The following CKS1B variants were observed in gnomAD, a reference collection of about 807,000 sequenced individuals.
The protein encoded by CKS1B is CDC28 protein kinase regulatory subunit 1B.
CKS1B carries 5 observed loss-of-function variants against 12.2 expected under a neutral mutation model. The ratio of observed to expected loss-of-function variants is 0.41; its 90% CI spans 0.21 to 0.86. The LOEUF is 0.86. Among genes scored for constraint, CKS1B ranks in the 40% least tolerant of loss-of-function variants. CKS1B has a pLI of 0.32. For synonymous variants in CKS1B, 24 were observed against 34.4 expected (o/e 0.70, Z 1.06); for missense variants, 53 against 99.9 (o/e 0.53, Z 2.00).
chr1:154,974,845 T>C, intron 1 of CKS1B, 41 bp downstream of exon 1: 6 of 1,614,002 alleles, frequency 3.7e-6, no homozygotes, highest in Non-Finnish European at 5.1e-6. Flanking sequence ...GTCGTGAGCT[T>C]TGGCCGCTGA....
At position 154,974,683 on chromosome 1, in the gene CKS1B, G is replaced by C; in HGVS notation, c.-63G>C. On this transcript the variant is annotated 5_prime_UTR_variant, in exon 1 of 3. Coordinates refer to ENST00000308987, the MANE Select transcript of CKS1B (RefSeq NM_001826.3). Reference sequence around the variant, plus strand: ...GCGAGGCCAAAGTGGGTGGGAGCGCGTGCTGTTGGGAGTTGCTTGGAGGTT... The same window carrying C: ...GCGAGGCCAAAGTGGGTGGGAGCGCCTGCTGTTGGGAGTTGCTTGGAGGTT... The C allele has an allele frequency of 1.3e-6, 2 of 1,544,634 alleles. No individual in the cohort carries two copies. The highest frequency in any genetic ancestry group is 2.4e-5 in the South Asian group (2 of 84,338).
chr1:154,978,441 G>A, intron 2 of CKS1B: 1 of 550,118 alleles, frequency 1.8e-6, no homozygotes. Context: ...AATAAGCAAA[G>A]GAAAGTATAT....
chr1:154,975,519 A>G (rs1394721350), intron 1 of CKS1B: 1 of 159,132 alleles, frequency 6.3e-6, no homozygotes, highest in Admixed American at 6.2e-5. Flanking sequence ...GACACACGCT[A>G]TGCAAGGAGC....
chr1:154,975,357 G>A (rs1398200250), intron 1 of CKS1B, among the ~76,000 whole-genome samples: 1 of 152,130 alleles, frequency 6.6e-6, no homozygotes, highest in Admixed American at 6.5e-5. Flanking sequence ...ACTTAATATG[G>A]GTCTAATAGA....
chr1:154,975,178 C>T (rs1006104313), intron 1 of CKS1B: 6 of 585,238 alleles, frequency 1.0e-5, no homozygotes, highest in South Asian at 2.1e-5. Flanking sequence ...GTAGCAAAAG[C>T]GGAGCTGGAA....
chr1:154,974,997 C>T (rs1462209706), intron 1 of CKS1B, 193 bp downstream of exon 1: 11 of 1,540,312 alleles, frequency 7.1e-6, no homozygotes, highest in Non-Finnish European at 8.1e-6. Context: ...AAAGTGGTTG[C>T]GAATTTGGAG....
rs374349593 is a variant in CKS1B, at chr1:154,974,718, G to A, written c.-28G>A. Reference sequence around the variant, plus strand: ...GAGTTGCTTGGAGGTTGGCGGCGCGGGGCTGAAGGCTAGCAAACCGAGCGA... The same window carrying A: ...GAGTTGCTTGGAGGTTGGCGGCGCGAGGCTGAAGGCTAGCAAACCGAGCGA... On this transcript the variant is annotated 5_prime_UTR_variant, in exon 1 of 3. Transcript: ENST00000308987. 7.5e-5 allele frequency: 117 copies of A among 1,569,918 alleles called. 1 individual carries two copies. The African/African-American group carries it at 1.3e-3, about 18-fold the overall frequency.
intron 1 of CKS1B, 154 bp downstream of exon 1, chr1:154,974,958 T>C (rs1439859030): frequency 4.3e-6 from 7 of 1,610,246 alleles, no homozygotes; most frequent in Non-Finnish European, 5.9e-6. Flanking sequence ...GTAAGGCGCA[T>C]GCGCGGAGGT....
rs1329096960 is a variant in CKS1B, at chr1:154,979,001, A to T, written c.*224A>T. 1 of 545,526 alleles carries T rather than the reference A, an allele frequency of 1.8e-6. No individual in the cohort carries two copies. Among genetic ancestry groups the T allele is most frequent in the Non-Finnish European group, 3.3e-6 (1 of 302,254 alleles). 33.8% of individuals were successfully genotyped at this position (545,526 alleles called of 1,614,324 possible). On this transcript the variant is annotated 3_prime_UTR_variant, in exon 3 of 3. Coordinates refer to ENST00000308987, the MANE Select transcript of CKS1B (RefSeq NM_001826.3). ...CTCTGTGGACCCACAGCCTAAGCTG[A>T]GTGTGACCCCAGAAGCCACGATGTG...
intron 1 of CKS1B, chr1:154,975,017 A>G: frequency 7.7e-7 from 1 of 1,306,922 alleles, no homozygotes; most frequent in Admixed American, 1.7e-5. Flanking sequence ...GTCGCCTCTC[A>G]GTAGAGAGGA....
At chr1:154,977,098 A>G (rs1467451407) in intron 1 of CKS1B, among the ~76,000 whole-genome samples, 1 of 152,112 alleles carries the variant, frequency 6.6e-6, no homozygotes, top group African/African-American at 2.4e-5. Flanking sequence ...CACAGGCACA[A>G]CCATTGTGCA....
At chr1:154,978,615 A>T in intron 2 of CKS1B, 110 bp from the exon 3 acceptor site, 1 of 852,620 alleles carries the variant, frequency 1.2e-6, no homozygotes, top group Non-Finnish European at 1.9e-6. Context: ...GTCTTTATTT[A>T]GTTATAAAGA....
intron 1 of CKS1B, 164 bp downstream of exon 1, chr1:154,974,968 T>C: frequency 5.0e-6 from 8 of 1,602,790 alleles, no homozygotes; most frequent in Non-Finnish European, 6.8e-6. Context: ...TGCGCGGAGG[T>C]GGGAGGCGCT....
At chr1:154,975,311 C>T (rs561621611) in intron 1 of CKS1B, among the ~76,000 whole-genome samples, 1 of 152,142 alleles carries the variant, frequency 6.6e-6, no homozygotes, top group African/African-American at 2.4e-5. Flanking sequence ...CTTGGGACTG[C>T]AATGGAATAA....
At chr1:154,974,859 C>T in intron 1 of CKS1B, 55 bp downstream of exon 1, 1 of 1,613,940 alleles carries the variant, frequency 6.2e-7, no homozygotes, top group Non-Finnish European at 8.5e-7. Context: ...CCGCTGAGGG[C>T]ACAAGGAATT....
chr1:154,977,901 C>A, intron 1 of CKS1B, 86 bp from the exon 2 acceptor site: 1 of 1,381,554 alleles, frequency 7.2e-7, no homozygotes, highest in Non-Finnish European at 9.6e-7. Flanking sequence ...TTTTTCTTTC[C>A]TTTCTTGGCC....
At chr1:154,977,888 C>A in intron 1 of CKS1B, 99 bp from the exon 2 acceptor site, 1 of 1,282,592 alleles carries the variant, frequency 7.8e-7, no homozygotes, top group East Asian at 2.6e-5. Context: ...CATCAAAAAC[C>A]AGTTTTTCTT....
In CKS1B at chr1:154,979,001, A is replaced by G; in HGVS notation, c.*224A>G. ...CTCTGTGGACCCACAGCCTAAGCTGAGTGTGACCCCAGAAGCCACGATGTG... is the reference window on the plus strand; with the variant it reads ...CTCTGTGGACCCACAGCCTAAGCTGGGTGTGACCCCAGAAGCCACGATGTG... On this transcript the variant is annotated 3_prime_UTR_variant, in exon 3 of 3. Transcript: ENST00000308987. 4 of 545,644 alleles carry G rather than the reference A, an allele frequency of 7.3e-6. No individual in the cohort carries two copies. In the South Asian group the frequency reaches 8.2e-5, roughly 11 times the overall value. The allele number at this position is 545,644 out of a possible 1,614,324, so 33.8% of individuals were successfully genotyped here. A position where few individuals can be genotyped will look rare whatever the true frequency, so the allele number is the denominator to read the frequency against.
At chr1:154,977,132 T>C (rs1242948779) in intron 1 of CKS1B, among the ~76,000 whole-genome samples, 5 of 151,918 alleles carry the variant, frequency 3.3e-5, no homozygotes, top group Non-Finnish European at 5.9e-5. Context: ...TTTTTTCTTA[T>C]TTTTTTTCTC....
Sources: gnomAD v4.1 joint callset for allele counts (sites outside exome capture counted in the v4.1 genomes callset) on GRCh38, gnomAD v4.1.1 for gene constraint, MANE v1.5 for transcripts, NCBI Gene and HGNC (gene_info 2026-07-23, HGNC 2026-07-21) for gene names.